The following PABPC1L variants were observed in gnomAD, a reference collection of about 807,000 sequenced individuals.
PABPC1L encodes the protein polyadenylate-binding protein 1-like.
Under a neutral mutation model 66.6 loss-of-function variants are expected in PABPC1L, and 31 were observed. That is an observed-to-expected ratio of 0.47 (90% CI 0.35 to 0.63). PABPC1L has a LOEUF of 0.63. PABPC1L is among the 20% of genes least tolerant of loss of function. The pLI is 0.00. For missense variants in PABPC1L, 722 were observed against 848.8 expected (o/e 0.85, Z 1.86); for synonymous variants, 348 against 335.1 (o/e 1.04, Z -0.42).
At chr20:44,913,751 T>TCAGA (rs1029752275) in intron 2 of PABPC1L, among the ~76,000 whole-genome samples, 18 of 152,094 alleles carry the variant, frequency 1.2e-4, no homozygotes, top group African/African-American at 4.3e-4. Context: ...CAGCCCACAT[T>TCAGA]CAGAGTGAGA....
chr20:44,921,769 G>A, intron 6 of PABPC1L, 38 bp downstream of exon 6: 1 of 1,610,392 alleles, frequency 6.2e-7, no homozygotes, highest in Non-Finnish European at 8.5e-7. Flanking sequence ...ACTTCTGTGT[G>A]AGAGCAGCTG....
intron 13 of PABPC1L, 29 bp downstream of exon 13, chr20:44,938,220 C>T (rs754098191): frequency 1.1e-5 from 18 of 1,608,972 alleles, no homozygotes; most frequent in African/African-American, 2.7e-5. Context: ...AGCAGGGAGC[C>T]CGAGGGGGCA....
intron 7 of PABPC1L, among the ~76,000 whole-genome samples, chr20:44,929,283 C>G (rs552261732): frequency 6.6e-6 from 1 of 151,732 alleles, no homozygotes; most frequent in Non-Finnish European, 1.5e-5. Context: ...AACAAATAAA[C>G]AAAAAGACAA....
At chr20:44,913,415 T>A (rs941365125) in intron 2 of PABPC1L, among the ~76,000 whole-genome samples, 2 of 149,334 alleles carry the variant, frequency 1.3e-5, no homozygotes, top group African/African-American at 2.5e-5. Context: ...TCCACTACGT[T>A]TTTTTTTTTT....
intron 1 of PABPC1L, among the ~76,000 whole-genome samples, chr20:44,911,873 T>C (rs762350421): frequency 6.6e-6 from 1 of 152,172 alleles, no homozygotes; most frequent in Non-Finnish European, 1.5e-5. Context: ...CTCCACTGTG[T>C]TCCCCACAGC....
intron 2 of PABPC1L, among the ~76,000 whole-genome samples, chr20:44,914,295 C>G (rs2066724446): frequency 6.6e-6 from 1 of 151,680 alleles, no homozygotes; most frequent in African/African-American, 2.4e-5. Context: ...CAACCTCCTC[C>G]TCCCAGGTTC....
At chr20:44,912,105 G>C (rs982194777) in intron 1 of PABPC1L, among the ~76,000 whole-genome samples, 8 of 152,154 alleles carry the variant, frequency 5.3e-5, no homozygotes, top group Non-Finnish European at 1.5e-5. Context: ...CCCTTTGTTA[G>C]GTGTGGAAAA....
intron 10 of PABPC1L, 69 bp from the exon 11 acceptor site, chr20:44,935,312 GTTGTTTTGTT>G (rs756008402): frequency 2.2e-5 from 22 of 1,016,278 alleles, no homozygotes; most frequent in South Asian, 1.8e-4. Flanking sequence ...CTGTTTTGGT[GTTGTTTTGTT>G]TTGTTTTGTT....
chr20:44,937,875 A>G lies in PABPC1L; in HGVS notation c.1661-186A>G, dbSNP rs562209282. On this transcript the variant is annotated intron_variant, in intron 12 of 14. Coordinates refer to ENST00000217073, the MANE Select transcript of PABPC1L (RefSeq NM_001372179.1). ...GACACATTGCTGAGATGGGCTGACC[A>G]CCAATACCAGGCCCAGTCATTAAAA... The G allele has an allele frequency of 1.0e-4, 82 of 782,670 alleles. 1 individual carries two copies. In the South Asian group the frequency reaches 1.3e-3, roughly 12 times the overall value. The allele number at this position is 782,670 out of a possible 1,614,324, so 48.5% of individuals were successfully genotyped here. A position where few individuals can be genotyped will look rare whatever the true frequency, so the allele number is the denominator to read the frequency against.
rs752343675 is a variant in PABPC1L, at chr20:44,910,276, G to A, written c.133G>A (p.Asp45Asn). The A allele has an allele frequency of 1.0e-5, 16 of 1,552,770 alleles. 1 individual carries two copies. In the South Asian group the frequency reaches 1.8e-4, roughly 17 times the overall value. ...GPILSIRVCR[D>N]VATRRSLGYA... ...CATCCTGTCCATCCGCGTGTGCCGCGATGTAGCCACCCGGCGCTCGCTGGG... is the reference window on the plus strand; with the variant it reads ...CATCCTGTCCATCCGCGTGTGCCGCAATGTAGCCACCCGGCGCTCGCTGGG... The change falls in exon 1 of 15, where the codon GAT (aspartate) becomes AAT (asparagine). Residue 45 changes from aspartate to asparagine, a missense_variant. By Grantham distance (23) the Asp-to-Asn change is conservative. Around this residue, in one of 3 missense-constraint regions of PABPC1L, gnomAD observed 284 missense variants for 294.8 expected, o/e 0.96. Transcript: ENST00000217073.
intron 2 of PABPC1L, among the ~76,000 whole-genome samples, chr20:44,916,295 CAG>C (rs1487819186): frequency 1.3e-5 from 2 of 152,116 alleles, no homozygotes; most frequent in African/African-American, 4.8e-5. Flanking sequence ...TTTTTTGACA[CAG>C]AGTCTCACTC....
rs967973119 is a variant in PABPC1L at position 44,938,244 on chromosome 20, C to T, written c.1791+53C>T. The T allele has an allele frequency of 1.6e-5, 26 of 1,585,454 alleles. No individual in the cohort carries two copies. The Admixed American group carries it at 3.0e-4, about 18-fold the overall frequency. ...CCCGAGGGGGCAGGAGGAGAGCTAACGACAAGGGCTCTCCTAGTGGAGCCA... is the reference window on the plus strand; with the variant it reads ...CCCGAGGGGGCAGGAGGAGAGCTAATGACAAGGGCTCTCCTAGTGGAGCCA... On this transcript the variant is annotated intron_variant, in intron 13 of 14. Coordinates refer to ENST00000217073, the MANE Select transcript of PABPC1L (RefSeq NM_001372179.1).
In PABPC1L at chr20:44,919,217, C is replaced by T. The variant is rs1381654416; in HGVS notation, c.678C>T (p.Asn226=). The change falls in exon 5 of 15, where the codon AAC becomes AAT. Residue 226 remains asparagine (N), a synonymous_variant. Coordinates refer to ENST00000217073, the MANE Select transcript of PABPC1L (RefSeq NM_001372179.1). ...KMLSVKVMRD[N]SGHSRCFGFV... is the part of the protein sequence containing the mutation. ...TGAGTGTGAAGGTGATGAGGGACAA[C>T]AGCGGCCACTCGCGGTGCTTTGGCT... 2 of 1,614,202 alleles carry T rather than the reference C, an allele frequency of 1.2e-6. No individual in the cohort carries two copies. The highest frequency in any genetic ancestry group is 2.2e-5 in the East Asian group (1 of 44,872).
At position 44,937,855 on chromosome 20, in the gene PABPC1L, A is replaced by T. The variant is rs1452793288; in HGVS notation, c.1661-206A>T. 6.2e-6 allele frequency: 4 copies of T among 647,580 alleles called. No homozygotes were observed. In the East Asian group the frequency reaches 1.2e-4, roughly 19 times the overall value. The allele number at this position is 647,580 out of a possible 1,614,324, so 40.1% of individuals were successfully genotyped here. ...CCAGTCCTGGCTGGGCCCTGGACACATTGCTGAGATGGGCTGACCACCAAT... is the reference window on the plus strand; with the variant it reads ...CCAGTCCTGGCTGGGCCCTGGACACTTTGCTGAGATGGGCTGACCACCAAT... On this transcript the variant is annotated intron_variant, in intron 12 of 14. Coordinates refer to ENST00000217073, the MANE Select transcript of PABPC1L (RefSeq NM_001372179.1).
intron 6 of PABPC1L, among the ~76,000 whole-genome samples, chr20:44,922,980 T>C (rs976326497): frequency 1.5e-4 from 23 of 152,242 alleles, no homozygotes; most frequent in African/African-American, 5.3e-4. Flanking sequence ...CATCCTCTTG[T>C]GTACATACAG....
intron 8 of PABPC1L, among the ~76,000 whole-genome samples, chr20:44,931,075 C>T (rs183689478): frequency 0.016 from 854 of 54,558 alleles, 43 homozygotes; most frequent in African/African-American, 0.044. Flanking sequence ...CTCCCTCCCT[C>T]CCTCCCTCCC....
chr20:44,915,579 C>A (rs918066811), intron 2 of PABPC1L, among the ~76,000 whole-genome samples: 12 of 152,084 alleles, frequency 7.9e-5, no homozygotes, highest in African/African-American at 2.9e-4. Context: ...GGGTGGATCA[C>A]CTGAGGTCAG....
intron 7 of PABPC1L, among the ~76,000 whole-genome samples, chr20:44,926,436 G>A (rs868449845): frequency 6.6e-6 from 1 of 151,130 alleles, no homozygotes; most frequent in Non-Finnish European, 1.5e-5. Context: ...TGTGTTGGCC[G>A]GGCTGGTCTC....
At chr20:44,925,623 A>G (rs1040955320) in intron 7 of PABPC1L, among the ~76,000 whole-genome samples, 1 of 152,138 alleles carries the variant, frequency 6.6e-6, no homozygotes, top group African/African-American at 2.4e-5. Context: ...AGTGGTCTAG[A>G]AGTTCTCTTT....
Sources: allele counts gnomAD v4.1 joint callset (sites outside exome capture counted in the v4.1 genomes callset), GRCh38; gene constraint gnomAD v4.1.1; regional missense constraint gnomAD v4.1.1; transcripts MANE v1.5; gene names NCBI Gene and HGNC (gene_info 2026-07-23, HGNC 2026-07-21).